Variants in CAMTA1 observed in about 807,000 individuals in gnomAD.
CAMTA1 encodes the protein calmodulin-binding transcription activator 1.
CAMTA1 carries 27 observed loss-of-function variants against 170.9 expected under a neutral mutation model. That is an observed-to-expected ratio of 0.16 (90% CI 0.12 to 0.22). The LOEUF is 0.22. CAMTA1 is among the 10% of genes least tolerant of loss of function. The pLI, the probability that CAMTA1 is intolerant of heterozygous loss-of-function variation, is 1.00. For missense variants in CAMTA1, 1,619 were observed against 2,217.2 expected, an observed-to-expected ratio of 0.73 and a Z score of 5.42; for synonymous variants, 833 against 891.5, an observed-to-expected ratio of 0.93 and a Z score of 1.17.
At chr1:6,829,020 C>T (rs1648562474) in intron 3 of CAMTA1, among the ~76,000 whole-genome samples, 1 of 151,612 alleles carries the variant, frequency 6.6e-6, no homozygotes, top group African/African-American at 2.4e-5. Context: ...CTTTAGCCTC[C>T]TGGGTGGCTG....
At chr1:6,902,072 C>CACACA (rs3986505) in intron 3 of CAMTA1, among the ~76,000 whole-genome samples, 259 of 88,462 alleles carry the variant, frequency 2.9e-3, no homozygotes, top group Middle Eastern at 0.013. Flanking sequence ...CACACACACA[C>CACACA]AAAAAAAAAA....
chr1:7,177,609 A>G (rs933899175), intron 4 of CAMTA1, among the ~76,000 whole-genome samples: 7 of 147,578 alleles, frequency 4.7e-5, no homozygotes, highest in Non-Finnish European at 1.0e-4. Context: ...CCTCCCATAC[A>G]CTGAGACTCC....
At chr1:7,498,191 A>AGTGAGTGTTG (rs112193369) in intron 6 of CAMTA1, among the ~76,000 whole-genome samples, 5,969 of 148,568 alleles carry the variant, frequency 0.04, 237 homozygotes, top group African/African-American at 0.11. Context: ...TATGAGAGTG[A>AGTGAGTGTTG]GTGTGTGTGT....
Position 7,276,293 on chromosome 1 carries a change from A to ATT in CAMTA1, c.438+26668_438+26669insTT, listed in dbSNP as rs1372402055. On this transcript the variant is annotated intron_variant, in intron 5 of 22. Coordinates refer to ENST00000303635, the MANE Select transcript of CAMTA1 (RefSeq NM_015215.4). ...TACACCTGATCATATATATATATAT[A>ATT]TATATATATATTTTTTTTTTTTTTT... is the stretch of plus-strand genomic sequence containing the variant. Among the ~76,000 whole-genome samples the ATT allele has an allele frequency of 4.1e-4, 9 of 22,046 alleles. 1 individual carries two copies. The highest frequency in any genetic ancestry group is 2.3e-3 in the South Asian group (1 of 426). 14.5% of individuals were successfully genotyped at this position (22,046 alleles called of 152,430 possible).
At chr1:7,188,333 A>G (rs1653859297) in intron 4 of CAMTA1, among the ~76,000 whole-genome samples, 1 of 152,248 alleles carries the variant, frequency 6.6e-6, no homozygotes, top group Non-Finnish European at 1.5e-5. Context: ...AACATTTACC[A>G]CTTTAACCAT....
At chr1:6,979,954 G>C (rs968405752) in intron 3 of CAMTA1, among the ~76,000 whole-genome samples, 3 of 152,168 alleles carry the variant, frequency 2.0e-5, no homozygotes, top group Non-Finnish European at 2.9e-5. Flanking sequence ...GCATGAAGAC[G>C]GGGGAGTCTC....
At chr1:7,754,327 A>T (rs890585997) in intron 21 of CAMTA1, among the ~76,000 whole-genome samples, 11 of 152,240 alleles carry the variant, frequency 7.2e-5, no homozygotes, top group Non-Finnish European at 1.2e-4. Flanking sequence ...CTGCAAGTTA[A>T]GTCGTGCTAG....
In CAMTA1 at chr1:7,316,997, G is replaced by C. The variant is rs77433133; in HGVS notation, c.438+67371G>C. Among the ~76,000 whole-genome samples the C allele has an allele frequency of 5.5e-3, 839 of 152,338 alleles. 13 individuals carry two copies. Among genetic ancestry groups the C allele is most frequent in the African/African-American group, 0.019 (801 of 41,570 alleles). On this transcript the variant is annotated intron_variant, in intron 5 of 22. Coordinates refer to ENST00000303635, the MANE Select transcript of CAMTA1 (RefSeq NM_015215.4). ...CTTCGAAGCAAATTCCGTCCTGTCT[G>C]CCAGGGGTGAGGAGGTGGTGCAGAA...
At chr1:7,710,412 ACATAGCAAGACCT>A (rs1558189703) in intron 11 of CAMTA1, among the ~76,000 whole-genome samples, 1 of 152,060 alleles carries the variant, frequency 6.6e-6, no homozygotes, top group African/African-American at 2.4e-5. Context: ...AGCCTAGGCA[ACATAGCAAGACCT>A]CATCTTTAAA....
intron 3 of CAMTA1, among the ~76,000 whole-genome samples, chr1:7,053,746 A>G (rs1706846209): frequency 6.6e-6 from 1 of 151,314 alleles, no homozygotes; most frequent in Non-Finnish European, 1.5e-5. Context: ...GCTCCCTCTC[A>G]CTCCCATAGA....
chr1:6,856,277 G>GTTT (rs765416471), intron 3 of CAMTA1, among the ~76,000 whole-genome samples: 1 of 122,892 alleles, frequency 8.1e-6, no homozygotes, highest in Non-Finnish European at 1.7e-5. Context: ...TGGAACCAGT[G>GTTT]TTTTTTTTTT....
chr1:7,124,667 G>T, intron 4 of CAMTA1, among the ~76,000 whole-genome samples: 1 of 152,334 alleles, frequency 6.6e-6, no homozygotes, highest in Non-Finnish European at 1.5e-5. Context: ...GTCAGGAAAC[G>T]TTAAGCAGAT....
chr1:7,107,277 C>CGTGTGT (rs767461350), intron 4 of CAMTA1, among the ~76,000 whole-genome samples: 5 of 14,044 alleles, frequency 3.6e-4, no homozygotes, highest in Admixed American at 2.9e-3. Flanking sequence ...TGTGTGTGTG[C>CGTGTGT]ATGTGTGTGT....
chr1:6,926,500 T>TCTTC lies in CAMTA1; in HGVS notation c.234+101307_234+101310dup, dbSNP rs1418435517. On this transcript the variant is annotated intron_variant, in intron 3 of 22. Transcript: ENST00000303635. Reference sequence around the variant, plus strand: ...TCTTTCTTTCTTTCTCTCTCTCTTTTCTTCCTTCCTTCCTTCCTTCTTTCT... The same window carrying TCTTC: ...TCTTTCTTTCTTTCTCTCTCTCTTTTCTTCCTTCCTTCCTTCCTTCCTTCTTTCT... Among the ~76,000 whole-genome samples the TCTTC allele has an allele frequency of 2.0e-3, 267 of 136,836 alleles. 1 individual carries two copies. Among genetic ancestry groups the TCTTC allele is most frequent in the African/African-American group, 6.0e-3 (225 of 37,516 alleles). The allele number at this position is 136,836 out of a possible 152,430, so 89.8% of individuals were successfully genotyped here. A position where few individuals can be genotyped will look rare whatever the true frequency, so the allele number is the denominator to read the frequency against.
intron 5 of CAMTA1, among the ~76,000 whole-genome samples, chr1:7,306,670 G>T (rs1482008070): frequency 6.6e-6 from 1 of 151,820 alleles, no homozygotes; most frequent in Non-Finnish European, 1.5e-5. Flanking sequence ...GTTACAAAAA[G>T]AATCCTGCTG....
At chr1:7,441,535 G>C (rs1472609238) in intron 5 of CAMTA1, 1 of 152,254 alleles carries the variant, frequency 6.6e-6, no homozygotes, top group African/African-American at 2.4e-5. Flanking sequence ...CACTGGTGCA[G>C]GGGTGGGCTG....
chr1:7,731,433 G>A (rs544668785), intron 11 of CAMTA1, among the ~76,000 whole-genome samples: 1 of 152,100 alleles, frequency 6.6e-6, no homozygotes, highest in African/African-American at 2.4e-5. Flanking sequence ...TTAGTGAGGT[G>A]TGGTTGCAGG....
chr1:6,962,232 C>A (rs1322668127), intron 3 of CAMTA1, among the ~76,000 whole-genome samples: 1 of 152,212 alleles, frequency 6.6e-6, no homozygotes, highest in Non-Finnish European at 1.5e-5. Flanking sequence ...GACGCTGTGT[C>A]CCCGGCCTGT....
chr1:6,882,506 CTG>C (rs1364676029), intron 3 of CAMTA1, among the ~76,000 whole-genome samples: 2 of 152,102 alleles, frequency 1.3e-5, no homozygotes, highest in African/African-American at 2.4e-5. Flanking sequence ...GGGATGATGA[CTG>C]TGTTTTTGCA....
Sources: gnomAD v4.1 joint callset for allele counts (sites outside exome capture counted in the v4.1 genomes callset) on GRCh38, gnomAD v4.1.1 for gene constraint, MANE v1.5 for transcripts, NCBI Gene and HGNC (gene_info 2026-07-23, HGNC 2026-07-21) for gene names.